The following PTPRG variants were observed in gnomAD, a reference collection of about 807,000 sequenced individuals.
PTPRG encodes receptor-type tyrosine-protein phosphatase gamma.
A neutral mutation model predicts 165.3 loss-of-function variants in PTPRG; 102 were observed. The observed-to-expected ratio is 0.62, with a 90% CI of 0.53 to 0.73. PTPRG has a LOEUF of 0.73. Among genes scored for constraint, PTPRG ranks in the 30% least tolerant of loss-of-function variants. The pLI is 0.00. For synonymous variants in PTPRG, 675 were observed against 669.5 expected, an observed-to-expected ratio of 1.01 and a Z score of -0.13; for missense variants, 1,866 against 1,861.4, an observed-to-expected ratio of 1.00 and a Z score of -0.05.
chr3:62,120,950 A>G (rs7648628), intron 5 of PTPRG, among the ~76,000 whole-genome samples: 91,628 of 151,084 alleles, frequency 0.61, 28,120 homozygotes, highest in Non-Finnish European at 0.66. Context: ...GCTTATAGCT[A>G]TAGGTTTTTT....
At chr3:61,748,690 ATAT>A (rs1348827802) in intron 1 of PTPRG, among the ~76,000 whole-genome samples, 185 bp from the exon 2 acceptor site, 4 of 151,228 alleles carry the variant, frequency 2.6e-5, no homozygotes, top group African/African-American at 7.3e-5. Flanking sequence ...ACGATTCCTA[ATAT>A]TAATAATAAT....
intron 1 of PTPRG, among the ~76,000 whole-genome samples, chr3:61,657,483 TA>T (rs1460446766): frequency 6.6e-6 from 1 of 151,964 alleles, no homozygotes; most frequent in Admixed American, 6.6e-5. Context: ...CAAAATAAAA[TA>T]AAAAAATAAG....
intron 2 of PTPRG, among the ~76,000 whole-genome samples, chr3:61,753,035 A>G (rs999462231): frequency 6.6e-6 from 1 of 152,160 alleles, no homozygotes; most frequent in African/African-American, 2.4e-5. Flanking sequence ...TAATTTTAGC[A>G]TAGAGAACTA....
At chr3:61,564,603 A>G (rs1361686922) in intron 1 of PTPRG, among the ~76,000 whole-genome samples, 1 of 152,182 alleles carries the variant, frequency 6.6e-6, no homozygotes, top group Non-Finnish European at 1.5e-5. Context: ...TTGGTTTGGA[A>G]AAGTGCAGCC....
chr3:61,779,009 C>T (rs1330352849), intron 2 of PTPRG, among the ~76,000 whole-genome samples: 3 of 152,046 alleles, frequency 2.0e-5, no homozygotes. Context: ...GCATTAAAGA[C>T]AATAAAATCC....
At chr3:61,699,035 G>A (rs571610690) in intron 1 of PTPRG, among the ~76,000 whole-genome samples, 76 of 151,968 alleles carry the variant, frequency 5.0e-4, no homozygotes, top group East Asian at 2.7e-3. Context: ...TGGGGGGAGC[G>A]GGGAGGGATA....
chr3:61,612,519 A>G (rs1245084842), intron 1 of PTPRG, among the ~76,000 whole-genome samples: 1 of 152,208 alleles, frequency 6.6e-6, no homozygotes, highest in African/African-American at 2.4e-5. Flanking sequence ...GAGCCCAGGT[A>G]GGTGCTGGGC....
intron 16 of PTPRG, chr3:62,262,479 T>A (rs571036608): frequency 5.2e-6 from 1 of 192,258 alleles, no homozygotes; most frequent in Non-Finnish European, 1.1e-5. Flanking sequence ...TCATCATGTT[T>A]GACTATCTTT....
In PTPRG at chr3:61,611,608, A is replaced by G. The variant is rs566595634; in HGVS notation, c.85+49236A>G. ...AGTTTATTTGGAGCTGCTTTCCCCA[A>G]ATTTGTGGGTCAATTAAGGCAGGGG... is the stretch of plus-strand genomic sequence containing the variant. On this transcript the variant is annotated intron_variant, in intron 1 of 29. Transcript: ENST00000474889. Among the ~76,000 whole-genome samples the G allele has an allele frequency of 3.9e-5, 6 of 152,274 alleles. No homozygotes were observed. The East Asian group carries it at 9.7e-4, about 25-fold the overall frequency.
chr3:61,866,582 CTTTTTTTTTTTTTTTTTT>C (rs532356516), intron 2 of PTPRG, among the ~76,000 whole-genome samples: 54 of 69,112 alleles, frequency 7.8e-4, no homozygotes, highest in East Asian at 6.8e-3. Context: ...ACTGTTTGCT[CTTTTTTTTTTTTTTTTTT>C]TTTTTTTTTT....
chr3:62,087,636 A>G (rs535775363), intron 5 of PTPRG, among the ~76,000 whole-genome samples: 1 of 152,328 alleles, frequency 6.6e-6, no homozygotes, highest in African/African-American at 2.4e-5. Context: ...AAAATTACAC[A>G]GGCCACTAAG....
chr3:61,797,591 A>G (rs867432620), intron 2 of PTPRG, among the ~76,000 whole-genome samples: 1 of 72,846 alleles, frequency 1.4e-5, no homozygotes, highest in Non-Finnish European at 2.7e-5. Flanking sequence ...ACCCCCCCCC[A>G]CCCCCCCACC....
At chr3:62,021,904 A>G (rs111660969) in intron 4 of PTPRG, among the ~76,000 whole-genome samples, 3,372 of 37,098 alleles carry the variant, frequency 0.091, 57 homozygotes, top group South Asian at 0.14. Flanking sequence ...TAGACTTTCT[A>G]TTGTTTTCTG....
chr3:61,805,530 CAAAAAA>C (rs58646519), intron 2 of PTPRG, among the ~76,000 whole-genome samples: 44 of 96,520 alleles, frequency 4.6e-4, no homozygotes, highest in Admixed American at 7.7e-4. Flanking sequence ...ATGGGAAAGA[CAAAAAA>C]AAAAAAAAAA....
In PTPRG at chr3:62,213,984, C is replaced by T. The variant is rs1353614363; in HGVS notation, c.2156-4867C>T. 1.3e-5 allele frequency among the ~76,000 whole-genome samples: 2 copies of T among 152,118 alleles called. No homozygotes were observed. The highest frequency in any genetic ancestry group is 3.9e-4 in the East Asian group (2 of 5,142). Reference sequence around the variant, plus strand: ...GGCTGAGGCAGGAGGATCCCTTGAGCCCAGAAGTTCGAGACCAGCCTGGGC... The same window carrying T: ...GGCTGAGGCAGGAGGATCCCTTGAGTCCAGAAGTTCGAGACCAGCCTGGGC... On this transcript the variant is annotated intron_variant, in intron 12 of 29. Coordinates refer to ENST00000474889, the MANE Select transcript of PTPRG (RefSeq NM_002841.4). The surrounding 1 kb of genome is among the most constrained non-coding windows in gnomAD (Gnocchi z 4.4).
intron 1 of PTPRG, among the ~76,000 whole-genome samples, chr3:61,652,153 C>A (rs1441721363): frequency 6.6e-6 from 1 of 151,976 alleles, no homozygotes; most frequent in African/African-American, 2.4e-5. Flanking sequence ...ACTAAAAATA[C>A]AGAAATTAGC....
At position 61,960,849 on chromosome 3, in the gene PTPRG, C is replaced by T. The variant is rs112015168; in HGVS notation, c.191-28776C>T. On this transcript the variant is annotated intron_variant, in intron 2 of 29. Coordinates refer to ENST00000474889, the MANE Select transcript of PTPRG (RefSeq NM_002841.4). Reference sequence around the variant, plus strand: ...CCCTGTAGCTCAGCTTTTGAATTTCCTAAAATTAAGGCAATGAGTGGTATG... The same window carrying T: ...CCCTGTAGCTCAGCTTTTGAATTTCTTAAAATTAAGGCAATGAGTGGTATG... 5.9e-3 allele frequency among the ~76,000 whole-genome samples: 894 copies of T among 152,152 alleles called. 8 individuals carry two copies. Among genetic ancestry groups the T allele is most frequent in the African/African-American group, 0.02 (846 of 41,502 alleles).
chr3:61,729,314 G>A (rs1367122409), intron 1 of PTPRG, among the ~76,000 whole-genome samples: 1 of 152,128 alleles, frequency 6.6e-6, no homozygotes, highest in Non-Finnish European at 1.5e-5. Flanking sequence ...CATTTTTAAA[G>A]GGAAGAGTAA....
At chr3:61,629,776 T>G (rs986075527) in intron 1 of PTPRG, among the ~76,000 whole-genome samples, 5 of 152,198 alleles carry the variant, frequency 3.3e-5, no homozygotes, top group Non-Finnish European at 7.3e-5. Context: ...CTATGGCATT[T>G]TTGAAGTCAT....
Sources: gnomAD v4.1 joint callset for allele counts (sites outside exome capture counted in the v4.1 genomes callset) on GRCh38, gnomAD v4.1.1 for gene constraint, Gnocchi (gnomAD v3.1) non-coding constraint, MANE v1.5 for transcripts, NCBI Gene and HGNC (gene_info 2026-07-23, HGNC 2026-07-21) for gene names.